The following PKHD1 variants were observed in gnomAD, a reference collection of about 807,000 sequenced individuals.
The protein encoded by PKHD1 is fibrocystin.
A neutral mutation model predicts 412.0 loss-of-function variants in PKHD1; 291 were observed. The ratio of observed to expected loss-of-function variants is 0.71; its 90% CI spans 0.64 to 0.78. The LOEUF (loss-of-function observed/expected upper bound fraction) is 0.78. Ranked by LOEUF, PKHD1 falls within the 30% of genes least tolerant of loss-of-function variation. The pLI is 0.00. For missense variants in PKHD1, 4,825 were observed against 4,950.7 expected (o/e 0.97, Z 0.76); for synonymous variants, 1,777 against 1,821.5 (o/e 0.98, Z 0.62).
At chr6:51,643,758 C>T (rs890048007) in intron 63 of PKHD1, among the ~76,000 whole-genome samples, 8 of 151,934 alleles carry the variant, frequency 5.3e-5, no homozygotes, top group African/African-American at 1.5e-4. Context: ...AAACATGCGC[C>T]GTGGTGGTTG....
At chr6:52,001,711 G>A (rs527814630) in intron 35 of PKHD1, among the ~76,000 whole-genome samples, 10 of 152,176 alleles carry the variant, frequency 6.6e-5, no homozygotes, top group African/African-American at 2.4e-4. Context: ...GATTACAGGT[G>A]TGAGCCACCA....
intron 52 of PKHD1, among the ~76,000 whole-genome samples, chr6:51,795,076 G>A (rs1363639245): frequency 1.3e-5 from 2 of 152,150 alleles, no homozygotes; most frequent in Non-Finnish European, 2.9e-5. Context: ...CTTAATGGTA[G>A]TTTAAGGGGA....
chr6:52,005,174 C>T (rs753303211), intron 35 of PKHD1, among the ~76,000 whole-genome samples: 53 of 152,156 alleles, frequency 3.5e-4, no homozygotes, highest in Non-Finnish European at 7.5e-4. Flanking sequence ...GTTGCCTCTC[C>T]ATTCCCTCTG....
intron 60 of PKHD1, among the ~76,000 whole-genome samples, chr6:51,668,588 T>C (rs1189509971): frequency 6.6e-6 from 1 of 152,158 alleles, no homozygotes; most frequent in Non-Finnish European, 1.5e-5. Flanking sequence ...CTATGTTGAA[T>C]AGGAGTGGTG....
At chr6:51,752,873 G>A (rs749321115) in intron 57 of PKHD1, among the ~76,000 whole-genome samples, 1 of 152,186 alleles carries the variant, frequency 6.6e-6, no homozygotes, top group Non-Finnish European at 1.5e-5. Flanking sequence ...TACTGGGAAA[G>A]AGTAACAGAA....
At chr6:51,917,583 A>C (rs554491537) in intron 37 of PKHD1, among the ~76,000 whole-genome samples, 9 of 152,144 alleles carry the variant, frequency 5.9e-5, no homozygotes, top group African/African-American at 9.7e-5. Flanking sequence ...TGCTTCCCAG[A>C]AGAGGTGATA....
Position 51,632,348 on chromosome 6 carries a change from T to A in PKHD1, c.11665+217A>T, listed in dbSNP as rs2784214. ...ATGTGTTCCATAGTGAGTATTTAGT[T>A]AACATGAGTTTTTATTATTATTGCT... On this transcript the variant is annotated intron_variant, in intron 65 of 66. Coordinates refer to ENST00000371117, the MANE Select transcript of PKHD1 (RefSeq NM_138694.4). 0.043 allele frequency among the ~76,000 whole-genome samples: 6,501 copies of A among 152,216 alleles called. 232 individuals are homozygous for A. Among genetic ancestry groups the A allele is most frequent in the African/African-American group, 0.093 (3,846 of 41,508 alleles).
At chr6:51,989,498 GT>G (rs530990191) in intron 35 of PKHD1, among the ~76,000 whole-genome samples, 88 of 152,324 alleles carry the variant, frequency 5.8e-4, no homozygotes, top group African/African-American at 1.9e-3. Flanking sequence ...GCACGTGTAT[GT>G]GTGTAGAAAG....
chr6:52,012,157 G>A (rs537002038), intron 34 of PKHD1, among the ~76,000 whole-genome samples: 6 of 152,278 alleles, frequency 3.9e-5, no homozygotes, highest in Admixed American at 2.6e-4. Context: ...ACTTCACTAA[G>A]CTTTGGTTTC....
rs1798249748 is a variant in PKHD1 at position 52,000,580 on chromosome 6, G to T, written c.5751+9729C>A. ...TCACATTCCAATAGGACTACCTTTT[G>T]TCTGTCATTCATAGGGACATTTTCA... is the stretch of plus-strand genomic sequence containing the variant. On this transcript the variant is annotated intron_variant, in intron 35 of 66. Transcript: ENST00000371117. Among the ~76,000 whole-genome samples, 5 of 152,278 alleles carry T rather than the reference G, an allele frequency of 3.3e-5. No individual in the cohort carries two copies. In the South Asian group the frequency reaches 1.0e-3, roughly 32 times the overall value.
chr6:52,044,942 T>G (rs1284356823), intron 25 of PKHD1, 24 bp downstream of exon 25: 1 of 1,612,856 alleles, frequency 6.2e-7, no homozygotes, highest in Non-Finnish European at 8.5e-7. Flanking sequence ...GAGCTTGCAC[T>G]TAGGGTGGCC....
intron 60 of PKHD1, among the ~76,000 whole-genome samples, chr6:51,666,700 C>G (rs1167875603): frequency 8.2e-6 from 1 of 121,626 alleles, no homozygotes; most frequent in Admixed American, 9.7e-5. Flanking sequence ...CCCCCTCCCC[C>G]CACCCCACAA....
intron 43 of PKHD1, 107 bp downstream of exon 43, chr6:51,903,490 A>C (rs957332058): frequency 1.0e-5 from 9 of 901,836 alleles, no homozygotes; most frequent in Non-Finnish European, 1.6e-5. Context: ...AATGGCAATT[A>C]TTCTTCCAAT....
At chr6:51,916,460 G>A (rs1056813264) in intron 37 of PKHD1, among the ~76,000 whole-genome samples, 76 of 152,096 alleles carry the variant, frequency 5.0e-4, no homozygotes, top group Non-Finnish European at 1.8e-4. Context: ...AGATTATATG[G>A]TAATAGATAT....
intron 41 of PKHD1, among the ~76,000 whole-genome samples, chr6:51,904,273 G>A (rs1351097952): frequency 6.6e-6 from 1 of 151,806 alleles, no homozygotes; most frequent in Non-Finnish European, 1.5e-5. Flanking sequence ...TTTTACTTTT[G>A]AGGAGGAGTC....
At chr6:52,080,256 T>C (rs977289289) in intron 4 of PKHD1, among the ~76,000 whole-genome samples, 4 of 152,360 alleles carry the variant, frequency 2.6e-5, no homozygotes, top group Admixed American at 2.6e-4. Flanking sequence ...ATGTCATGTT[T>C]CTCAAAATCA....
At chr6:51,903,484 G>C (rs1197900499) in intron 43 of PKHD1, 113 bp downstream of exon 43, 2 of 854,014 alleles carry the variant, frequency 2.3e-6, no homozygotes, top group East Asian at 2.6e-5. Flanking sequence ...TCTTCCAATG[G>C]CAATTATTCT....
intron 27 of PKHD1, 43 bp from the exon 28 acceptor site, chr6:52,035,764 C>A: frequency 6.3e-7 from 1 of 1,599,136 alleles, no homozygotes; most frequent in Non-Finnish European, 8.6e-7. Flanking sequence ...ACCAACCATA[C>A]AGGCAGACAA....
chr6:52,021,192 G>C (rs538335616), intron 33 of PKHD1, among the ~76,000 whole-genome samples: 1 of 152,290 alleles, frequency 6.6e-6, no homozygotes, highest in Non-Finnish European at 1.5e-5. Flanking sequence ...AATAGTTACA[G>C]TTTCCAACTA....
Sources: gnomAD v4.1 joint callset for allele counts (sites outside exome capture counted in the v4.1 genomes callset) on GRCh38, gnomAD v4.1.1 for gene constraint, MANE v1.5 for transcripts, NCBI Gene and HGNC (gene_info 2026-07-23, HGNC 2026-07-21) for gene names.